Variants in FAAH2 observed in about 807,000 individuals in gnomAD.
FAAH2 encodes fatty-acid amide hydrolase 2.
In FAAH2, 60 loss-of-function variants were observed where a neutral mutation model predicts 36.9. The observed-to-expected ratio is 1.63, with a 90% confidence interval of 1.32 to 2.02. The LOEUF is 2.02. Among genes scored for constraint, FAAH2 ranks in the 30% most tolerant of loss-of-function variants. The pLI is 0.00. For synonymous variants in FAAH2, 214 were observed against 143.8 expected (o/e 1.49, Z -3.49); for missense variants, 689 against 397.5 (o/e 1.73, Z -6.23).
At chrX:57,171,879 A>T in the FAAH2 span, among the ~76,000 whole-genome samples, 4 of 111,804 alleles carry the variant, frequency 3.6e-5, no homozygotes, top group Non-Finnish European at 7.5e-5. Context: ...TATAATTTTT[A>T]TGGTTTCAGG....
At chrX:57,163,284 T>C in the FAAH2 span, among the ~76,000 whole-genome samples, 1 of 112,141 alleles carries the variant, frequency 8.9e-6, no homozygotes, top group Non-Finnish European at 1.9e-5. Flanking sequence ...CAGGGACATT[T>C]AAGTCTGCAG....
At chrX:57,174,875 A>G in the FAAH2 span, among the ~76,000 whole-genome samples, 19 of 111,672 alleles carry the variant, frequency 1.7e-4, no homozygotes, top group African/African-American at 5.5e-4. Context: ...AATTTTATAC[A>G]TTTGTATAAT....
At chrX:57,407,824 G>T (rs1016261383) in intron 7 of FAAH2, among the ~76,000 whole-genome samples, 3 of 112,066 alleles carry the variant, frequency 2.7e-5, no homozygotes, top group Non-Finnish European at 1.9e-5. Context: ...GATGATTTTT[G>T]TGTATGGTTT....
the FAAH2 span, among the ~76,000 whole-genome samples, chrX:57,231,922 G>A: frequency 9.0e-6 from 1 of 111,572 alleles, no homozygotes; most frequent in African/African-American, 3.3e-5. Context: ...GGTGGGCTAG[G>A]AAGATAAATT....
At chrX:57,330,880 C>G (rs1183672832) in intron 3 of FAAH2, among the ~76,000 whole-genome samples, 1 of 110,700 alleles carries the variant, frequency 9.0e-6, no homozygotes, top group Admixed American at 9.6e-5. Context: ...AGGTCAGGTG[C>G]TATCCACCTG....
the FAAH2 span, among the ~76,000 whole-genome samples, chrX:57,278,932 G>GA: frequency 9.0e-6 from 1 of 111,641 alleles, no homozygotes; most frequent in African/African-American, 3.3e-5. Context: ...ATAGAATAAC[G>GA]ATCATTAAAA....
the FAAH2 span, among the ~76,000 whole-genome samples, chrX:57,265,813 C>T: frequency 1.2e-4 from 13 of 111,805 alleles, no homozygotes; most frequent in East Asian, 3.4e-3. Flanking sequence ...AAGTGGTACA[C>T]CAGCACAGCA....
At chrX:57,393,678 C>T (rs781398946) in intron 7 of FAAH2, 2 of 989,960 alleles carry the variant, frequency 2.0e-6, no homozygotes, top group Non-Finnish European at 2.9e-6. Context: ...GATGCCACCA[C>T]CATTTTGCCC....
At chrX:57,474,532 A>G (rs2057229706) in intron 10 of FAAH2, among the ~76,000 whole-genome samples, 1 of 111,859 alleles carries the variant, frequency 8.9e-6, no homozygotes, top group Non-Finnish European at 1.9e-5. Flanking sequence ...TGAAAAAGAC[A>G]AGAGCTTGTT....
intron 10 of FAAH2, among the ~76,000 whole-genome samples, chrX:57,477,368 T>C (rs1381988641): frequency 1.8e-5 from 2 of 111,606 alleles, no homozygotes; most frequent in Non-Finnish European, 3.8e-5. Context: ...GTACAGCTTT[T>C]AATAATCATA....
At chrX:57,177,651 A>G in the FAAH2 span, among the ~76,000 whole-genome samples, 4 of 97,524 alleles carry the variant, frequency 4.1e-5, no homozygotes, top group African/African-American at 1.5e-4. Flanking sequence ...GAAAAAAAAA[A>G]AAAAAGAAGA....
At chrX:57,352,264 C>A (rs939271802) in intron 5 of FAAH2, among the ~76,000 whole-genome samples, 1 of 103,192 alleles carries the variant, frequency 9.7e-6, no homozygotes, top group Admixed American at 1.1e-4. Flanking sequence ...AGACCACATA[C>A]TATGATTAAG....
At chrX:57,274,925 C>A in the FAAH2 span, among the ~76,000 whole-genome samples, 1 of 111,607 alleles carries the variant, frequency 9.0e-6, no homozygotes, top group African/African-American at 3.3e-5. Flanking sequence ...CAGGAGAAAG[C>A]AATAAAGTGT....
Position 57,488,971 on chromosome X carries a change from G to A in FAAH2, c.*39G>A. Reference sequence around the variant, plus strand: ...AAGGTTAATGTGTGTGTGTGTTTGTGTTCGTGTGGTGGTGTTTCTATTAAT... The same window carrying A: ...AAGGTTAATGTGTGTGTGTGTTTGTATTCGTGTGGTGGTGTTTCTATTAAT... On this transcript the variant is annotated 3_prime_UTR_variant, in exon 11 of 11. Coordinates refer to ENST00000374900, the MANE Select transcript of FAAH2 (RefSeq NM_174912.4). 1.7e-6 allele frequency: 2 copies of A among 1,152,028 alleles called. No homozygotes were observed. Among genetic ancestry groups the A allele is most frequent in the Non-Finnish European group, 2.3e-6 (2 of 862,017 alleles). 94.9% of individuals were successfully genotyped at this position (1,152,028 alleles called of 1,213,427 possible). A position where few individuals can be genotyped will look rare whatever the true frequency, so the allele number is the denominator to read the frequency against.
the FAAH2 span, among the ~76,000 whole-genome samples, chrX:57,262,727 A>T: frequency 8.9e-6 from 1 of 111,807 alleles, no homozygotes; most frequent in East Asian, 2.8e-4. Flanking sequence ...AATATTAGTA[A>T]ATACAATTTA....
At chrX:57,457,726 G>A (rs1454950680) in intron 10 of FAAH2, among the ~76,000 whole-genome samples, 1 of 102,576 alleles carries the variant, frequency 9.7e-6, no homozygotes, top group African/African-American at 3.5e-5. Flanking sequence ...GAATACCTAG[G>A]AACCCATCTA....
rs370316835 is a variant in FAAH2 at position 57,341,403 on chromosome X, T to C, written c.742+13T>C. ...AAGCCTTCTCCAGGTAATGTTAATA[T>C]GATCAGAAGGGTGGTTCTACTTTTA... On this transcript the variant is annotated intron_variant, in intron 5 of 10. Transcript: ENST00000374900. The C allele has an allele frequency of 4.1e-4, 494 of 1,199,793 alleles. No individual in the cohort carries two copies. Among genetic ancestry groups the C allele is most frequent in the Non-Finnish European group, 5.0e-4 (449 of 891,244 alleles).
chrX:57,474,539 T>C (rs2057229829), intron 10 of FAAH2, among the ~76,000 whole-genome samples: 1 of 111,662 alleles, frequency 9.0e-6, no homozygotes, highest in African/African-American at 3.2e-5. Context: ...GACAAGAGCT[T>C]GTTCTTTTTT....
chrX:57,437,773 A>G (rs1455513425), intron 8 of FAAH2, among the ~76,000 whole-genome samples: 1 of 102,490 alleles, frequency 9.8e-6, no homozygotes, highest in Non-Finnish European at 2.0e-5. Context: ...TTGAAATATA[A>G]TTATATATTA....
Sources: gnomAD v4.1 joint callset for allele counts (sites outside exome capture counted in the v4.1 genomes callset) on GRCh38, gnomAD v4.1.1 for gene constraint, MANE v1.5 for transcripts, NCBI Gene and HGNC (gene_info 2026-07-23, HGNC 2026-07-21) for gene names.